The following HMGN4 variants were observed in gnomAD, a reference collection of about 807,000 sequenced individuals.
HMGN4 encodes the protein high mobility group nucleosome-binding domain-containing protein 4.
For missense variants in HMGN4, 69 were observed against 104.9 expected, an observed-to-expected ratio of 0.66 and a Z score of 1.49; for synonymous variants, 39 against 39.1, an observed-to-expected ratio of 1.00 and a Z score of 0.01.
At position 26,545,189 on chromosome 6, in the gene HMGN4, GCGAACA is replaced by G. The variant is rs1764333516; in HGVS notation, c.-16_-11del. On this transcript the variant is annotated 5_prime_UTR_variant, in exon 2 of 2. Transcript: ENST00000377575. ...CCCAACAGGACTGCTCAAGCCACCT[GCGAACA>G]CTGCTGCTACCATGCCCAAGAGAAA... 1 of 1,583,456 alleles carries G rather than the reference GCGAACA, an allele frequency of 6.3e-7. No individual in the cohort carries two copies. The highest frequency in any genetic ancestry group is 8.6e-7 in the Non-Finnish European group (1 of 1,164,760).
At position 26,546,670 on chromosome 6, in the gene HMGN4, C is replaced by T. The variant is rs1230874835; in HGVS notation, c.*1191C>T. ...AATTTCACCTCTGTCTCCAGTATCA[C>T]CACAAAATTGTTCTTCCTTGGAGTG... On this transcript the variant is annotated 3_prime_UTR_variant, in exon 2 of 2. Coordinates refer to ENST00000377575, the MANE Select transcript of HMGN4 (RefSeq NM_006353.3). Among the ~76,000 whole-genome samples, 1 of 152,234 alleles carries T rather than the reference C, an allele frequency of 6.6e-6. No individual in the cohort carries two copies. The highest frequency in any genetic ancestry group is 2.4e-5 in the African/African-American group (1 of 41,462).
At chr6:26,543,610 A>C (rs1276267281) in intron 1 of HMGN4, among the ~76,000 whole-genome samples, 1 of 147,108 alleles carries the variant, frequency 6.8e-6, no homozygotes, top group African/African-American at 2.5e-5. Context: ...AAAATACAAA[A>C]ATTGGCTGGG....
At chr6:26,543,003 A>T (rs1469113751) in intron 1 of HMGN4, among the ~76,000 whole-genome samples, 1 of 152,162 alleles carries the variant, frequency 6.6e-6, no homozygotes, top group African/African-American at 2.4e-5. Flanking sequence ...TTCTTAGGGA[A>T]ATGTGTGCTA....
intron 1 of HMGN4, among the ~76,000 whole-genome samples, chr6:26,544,249 T>C (rs1424393311): frequency 6.6e-6 from 1 of 151,958 alleles, no homozygotes; most frequent in Non-Finnish European, 1.5e-5. Context: ...TTTTTATTTA[T>C]CCCTTTTTTT....
At position 26,543,101 on chromosome 6, in the gene HMGN4, C is replaced by G. The variant is rs556087455; in HGVS notation, c.-80-2026C>G. The stretch of plus-strand genomic sequence containing the variant: ...ATATATGCAGAATATTTGGGGTAAC[C>G]TTATTATTCATTGCCCAAGTTAGGT... On this transcript the variant is annotated intron_variant, in intron 1 of 1. Coordinates refer to ENST00000377575, the MANE Select transcript of HMGN4 (RefSeq NM_006353.3). Among the ~76,000 whole-genome samples, 5 of 152,244 alleles carry G rather than the reference C, an allele frequency of 3.3e-5. No homozygotes were observed. The South Asian group carries it at 8.3e-4, about 25-fold the overall frequency.
At chr6:26,540,851 T>A (rs1260985426) in intron 1 of HMGN4, among the ~76,000 whole-genome samples, 1 of 152,154 alleles carries the variant, frequency 6.6e-6, no homozygotes, top group Non-Finnish European at 1.5e-5. Flanking sequence ...CAGTTCCGTA[T>A]CCATCGAGTG....
At chr6:26,538,724 G>A (rs1043114647) in intron 1 of HMGN4, among the ~76,000 whole-genome samples, 1 of 152,190 alleles carries the variant, frequency 6.6e-6, no homozygotes, top group African/African-American at 2.4e-5. Flanking sequence ...GAATCCAGAG[G>A]TGGGGTCACA....
intron 1 of HMGN4, chr6:26,539,842 G>C (rs1199756985): frequency 2.0e-5 from 3 of 152,116 alleles, no homozygotes; most frequent in Admixed American, 6.5e-5. Context: ...ACTTGGGCAT[G>C]TGCTCAACAG....
intron 1 of HMGN4, among the ~76,000 whole-genome samples, chr6:26,539,573 A>C (rs1481104286): frequency 6.6e-6 from 1 of 151,034 alleles, no homozygotes; most frequent in African/African-American, 2.4e-5. Context: ...GCCCAACCGA[A>C]TGTGATATTT....
chr6:26,541,220 ATTT>A (rs1384007321), intron 1 of HMGN4, among the ~76,000 whole-genome samples: 1 of 151,952 alleles, frequency 6.6e-6, no homozygotes, highest in African/African-American at 2.4e-5. Context: ...CTAATTTTGT[ATTT>A]TTAGTAGAGA....
intron 1 of HMGN4, among the ~76,000 whole-genome samples, chr6:26,539,634 T>TAAAAA (rs61003052): frequency 2.4e-5 from 3 of 125,128 alleles, no homozygotes; most frequent in Non-Finnish European, 4.9e-5. Context: ...TCCGCAAAAT[T>TAAAAA]AAAAAAAAAA....
In HMGN4 at chr6:26,545,096, T is replaced by C. The variant is rs531042547; in HGVS notation, c.-80-31T>C. Reference sequence around the variant, plus strand: ...GTTTACATTCGTCAGTCTTTCCCTTTATGGTTTACGCTTTTTGTGTCTTGT... The same window carrying C: ...GTTTACATTCGTCAGTCTTTCCCTTCATGGTTTACGCTTTTTGTGTCTTGT... On this transcript the variant is annotated intron_variant, in intron 1 of 1. Transcript: ENST00000377575. 843 of 914,770 alleles carry C rather than the reference T, an allele frequency of 9.2e-4. 2 individuals are homozygous for C. Among genetic ancestry groups the C allele is most frequent in the Middle Eastern group, 1.9e-3 (8 of 4,292 alleles). The allele number at this position is 914,770 out of a possible 1,614,324, so 56.7% of individuals were successfully genotyped here.
At chr6:26,539,078 A>T (rs1764254684) in intron 1 of HMGN4, among the ~76,000 whole-genome samples, 1 of 152,222 alleles carries the variant, frequency 6.6e-6, no homozygotes, top group Non-Finnish European at 1.5e-5. Context: ...CCTCTGCCAC[A>T]TGGCTTGCTT....
chr6:26,545,142 C>T lies in HMGN4; in HGVS notation c.-65C>T, dbSNP rs1764332493. 1.5e-6 allele frequency: 2 copies of T among 1,344,164 alleles called. No individual in the cohort carries two copies. Among genetic ancestry groups the T allele is most frequent in the Non-Finnish European group, 2.0e-6 (2 of 1,009,878 alleles). The allele number at this position is 1,344,164 out of a possible 1,614,324, so 83.3% of individuals were successfully genotyped here. A position where few individuals can be genotyped will look rare whatever the true frequency, so the allele number is the denominator to read the frequency against. On this transcript the variant is annotated 5_prime_UTR_variant, in exon 2 of 2. Transcript: ENST00000377575. ...CTTGTTAAAGACATCTTTCCAGGAA[C>T]AGCGTGAGGAGGACAGAAGCACCCA...
At position 26,545,279 on chromosome 6, in the gene HMGN4, T is replaced by C. The variant is rs1240793536; in HGVS notation, c.73T>C (p.Ser25Pro). The stretch of plus-strand genomic sequence containing the variant: ...GGTGAAGGATGAGCCACAGAGGAGA[T>C]CAGCTCGGTTGTCTGCTAAACCAGC... ...AKVKDEPQRR[S>P]ARLSAKPAPP... Residue 25 changes from serine (S) to proline (P), a missense_variant, in exon 2 of 2, where the codon TCA becomes CCA. Coordinates refer to ENST00000377575, the MANE Select transcript of HMGN4 (RefSeq NM_006353.3). The C allele has an allele frequency of 1.9e-6, 3 of 1,613,910 alleles. No homozygotes were observed.
chr6:26,546,175 T>C lies in HMGN4; in HGVS notation c.*696T>C, dbSNP rs1326155900. The C allele has an allele frequency of 6.0e-6, 1 of 167,102 alleles. No homozygotes were observed. The highest frequency in any genetic ancestry group is 1.9e-4 in the East Asian group (1 of 5,204). 10.4% of individuals were successfully genotyped at this position (167,102 alleles called of 1,614,324 possible). A position where few individuals can be genotyped will look rare whatever the true frequency, so the allele number is the denominator to read the frequency against. ...GGAGTTTGGAAATTGTAAAATGTTA[T>C]AGATTGTTGCCTATTTCCTGCTGAA... On this transcript the variant is annotated 3_prime_UTR_variant, in exon 2 of 2. Coordinates refer to ENST00000377575, the MANE Select transcript of HMGN4 (RefSeq NM_006353.3).
chr6:26,545,564 AG>A lies in HMGN4; in HGVS notation c.*86del. 1 of 1,393,578 alleles carries A rather than the reference AG, an allele frequency of 7.2e-7. No homozygotes were observed. Among genetic ancestry groups the A allele is most frequent in the South Asian group, 1.6e-5 (1 of 60,922 alleles). The allele number at this position is 1,393,578 out of a possible 1,614,324, so 86.3% of individuals were successfully genotyped here. ...TTTAAATCAAGTTTTATAAAAGTGT[AG>A]AATTTTGGCTTTTTTAAGTTATGTT... On this transcript the variant is annotated 3_prime_UTR_variant, in exon 2 of 2. Transcript: ENST00000377575.
chr6:26,545,020 CT>C, intron 1 of HMGN4, 106 bp from the exon 2 acceptor site: 2 of 394,420 alleles, frequency 5.1e-6, no homozygotes, highest in Non-Finnish European at 9.1e-6. Context: ...ATTATGCTAT[CT>C]TTTTTGATAT....
intron 1 of HMGN4, among the ~76,000 whole-genome samples, chr6:26,543,421 CTTTTT>C (rs70977285): frequency 1.2e-5 from 1 of 80,136 alleles, no homozygotes; most frequent in Non-Finnish European, 2.2e-5. Flanking sequence ...GCACCATTAC[CTTTTT>C]TTTTTTTTTT....
Sources: gnomAD v4.1 joint callset for allele counts (sites outside exome capture counted in the v4.1 genomes callset) on GRCh38, gnomAD v4.1.1 for gene constraint, MANE v1.5 for transcripts, NCBI Gene and HGNC (gene_info 2026-07-23, HGNC 2026-07-21) for gene names.